ZNF385D: variants seen among roughly 807,000 people sequenced by gnomAD.
The protein encoded by ZNF385D is zinc finger protein 659.
In ZNF385D, 15 loss-of-function variants were observed where a neutral mutation model predicts 35.8. The observed-to-expected ratio is 0.42, with a 90% confidence interval of 0.28 to 0.64. The LOEUF (loss-of-function observed/expected upper bound fraction) is 0.64, where lower values mean the gene tolerates loss of function less well. Ranked by LOEUF, ZNF385D falls within the 30% of genes least tolerant of loss-of-function variation. The pLI is 0.23. For missense variants in ZNF385D, 474 were observed against 494.6 expected (o/e 0.96, Z 0.39); for synonymous variants, 212 against 186.8 (o/e 1.13, Z -1.10).
intron 2 of ZNF385D, among the ~76,000 whole-genome samples, chr3:22,353,446 G>C (rs771639531): frequency 6.6e-6 from 1 of 152,012 alleles, no homozygotes; most frequent in Non-Finnish European, 1.5e-5. Flanking sequence ...CTGTATATTT[G>C]GTAGCCCTCC....
intron 4 of ZNF385D, among the ~76,000 whole-genome samples, chr3:21,473,672 A>G (rs905838851): frequency 1.3e-5 from 2 of 152,086 alleles, no homozygotes; most frequent in African/African-American, 4.8e-5. Flanking sequence ...TGACATATTT[A>G]TCTTCAGTTT....
At chr3:22,215,958 G>C (rs911898285) in intron 2 of ZNF385D, among the ~76,000 whole-genome samples, 1 of 151,952 alleles carries the variant, frequency 6.6e-6, no homozygotes, top group African/African-American at 2.4e-5. Context: ...TATCGGGGGT[G>C]AATTTCGTCC....
At chr3:22,312,616 AG>A (rs1184684359) in intron 2 of ZNF385D, among the ~76,000 whole-genome samples, 1 of 152,204 alleles carries the variant, frequency 6.6e-6, no homozygotes, top group Non-Finnish European at 1.5e-5. Flanking sequence ...ACTTCTCAAA[AG>A]AAGACATTTA....
rs568204033 is a variant in ZNF385D, at chr3:22,214,852, C to A, written c.107-45817G>T. ...CCTGTGGTCCTGTAATCTCGCCCTG[C>A]CTCCATTTGCCTTGTGATATTCTAT... On this transcript the variant is annotated intron_variant, in intron 2 of 5. Coordinates refer to the ZNF385D transcript ENST00000494108. Among the ~76,000 whole-genome samples the A allele has an allele frequency of 8.5e-5, 13 of 152,052 alleles. No individual in the cohort carries two copies. The East Asian group carries it at 1.9e-3, about 23-fold the overall frequency.
chr3:21,685,388 G>A (rs1055695509), intron 1 of ZNF385D, among the ~76,000 whole-genome samples: 1 of 152,192 alleles, frequency 6.6e-6, no homozygotes, highest in Admixed American at 6.5e-5. Context: ...AACAGAATAT[G>A]GTACAGCCTA....
At chr3:21,427,793 T>C (rs917744026) in intron 5 of ZNF385D, among the ~76,000 whole-genome samples, 1 of 152,194 alleles carries the variant, frequency 6.6e-6, no homozygotes, top group Non-Finnish European at 1.5e-5. Flanking sequence ...GTTCGAATTA[T>C]TATTTAAGTA....
intron 3 of ZNF385D, among the ~76,000 whole-genome samples, chr3:22,092,750 G>A (rs1323967807): frequency 4.6e-5 from 7 of 151,872 alleles, no homozygotes; most frequent in Admixed American, 2.6e-4. Flanking sequence ...TTACTGTCTG[G>A]TAACCTTAAC....
In ZNF385D at chr3:22,334,430, T is replaced by G. The variant is rs4858396; in HGVS notation, c.106+38020A>C. Among the ~76,000 whole-genome samples the G allele has an allele frequency of 3.6e-3, 549 of 152,288 alleles. 5 individuals carry two copies. The highest frequency in any genetic ancestry group is 0.021 in the Admixed American group (324 of 15,290). On this transcript the variant is annotated intron_variant, in intron 2 of 5. Coordinates refer to the ZNF385D transcript ENST00000494108. ...ATTATATTTTTAAATTCTGTGATAT[T>G]TTAAATCCTAAAATTTTATAGATTT...
intron 3 of ZNF385D, among the ~76,000 whole-genome samples, chr3:22,113,272 T>C (rs1315270999): frequency 6.6e-6 from 1 of 152,118 alleles, no homozygotes; most frequent in Non-Finnish European, 1.5e-5. Context: ...TTTCTGACTC[T>C]ATGATTTAAC....
chr3:22,128,216 A>C (rs2125680012), intron 3 of ZNF385D, among the ~76,000 whole-genome samples: 1 of 152,274 alleles, frequency 6.6e-6, no homozygotes, highest in Admixed American at 6.5e-5. Flanking sequence ...ACTCCCTCCT[A>C]ACCTGTAAGG....
At chr3:21,644,101 G>A (rs917619696) in intron 2 of ZNF385D, among the ~76,000 whole-genome samples, 1 of 152,120 alleles carries the variant, frequency 6.6e-6, no homozygotes, top group Non-Finnish European at 1.5e-5. Flanking sequence ...GCAACTTTAA[G>A]CAGAACAACA....
chr3:21,900,613 G>T (rs531126621), intron 3 of ZNF385D, among the ~76,000 whole-genome samples: 1 of 152,014 alleles, frequency 6.6e-6, no homozygotes, highest in African/African-American at 2.4e-5. Context: ...AATAAGAACT[G>T]ACAATTCAGA....
rs376848666 is a variant in ZNF385D, at chr3:21,474,082, TG to T, written c.439+36778del. ...AAGTTGTGAGGCACTTACTGAGCAC[TG>T]TATACCTAGTACCTTCGAGAACACG... On this transcript the variant is annotated intron_variant, in intron 4 of 7. Coordinates refer to ENST00000281523, the MANE Select transcript of ZNF385D (RefSeq NM_024697.3). 3.2e-4 allele frequency among the ~76,000 whole-genome samples: 49 copies of T among 150,864 alleles called. 2 individuals are homozygous for T. In the South Asian group the frequency reaches 7.3e-3, roughly 23 times the overall value.
chr3:21,455,777 G>A (rs557748704), intron 4 of ZNF385D, among the ~76,000 whole-genome samples: 2 of 152,088 alleles, frequency 1.3e-5, no homozygotes, highest in Non-Finnish European at 2.9e-5. Context: ...CACAGCAAAA[G>A]AAACTACCAT....
chr3:21,953,691 A>G (rs1559787042), intron 3 of ZNF385D, among the ~76,000 whole-genome samples: 1 of 152,098 alleles, frequency 6.6e-6, no homozygotes, highest in African/African-American at 2.4e-5. Flanking sequence ...ATTTAACTTC[A>G]GCAAATACTA....
At chr3:21,621,478 G>C (rs1270745832) in intron 2 of ZNF385D, among the ~76,000 whole-genome samples, 2 of 151,550 alleles carry the variant, frequency 1.3e-5, no homozygotes, top group Non-Finnish European at 2.9e-5. Flanking sequence ...TACTAGGAAT[G>C]AAAATTCAGG....
At chr3:21,803,071 G>T (rs1312241563) in intron 3 of ZNF385D, among the ~76,000 whole-genome samples, 1 of 152,176 alleles carries the variant, frequency 6.6e-6, no homozygotes, top group African/African-American at 2.4e-5. Context: ...CAAGATGGCT[G>T]CAAGTTATTG....
At chr3:22,361,396 T>A (rs1464394309) in intron 2 of ZNF385D, among the ~76,000 whole-genome samples, 2 of 152,060 alleles carry the variant, frequency 1.3e-5, no homozygotes, top group Non-Finnish European at 2.9e-5. Context: ...TAGAAACTTA[T>A]TAATGGCCCT....
chr3:22,239,886 A>G (rs1407021551), intron 2 of ZNF385D, among the ~76,000 whole-genome samples: 1 of 150,768 alleles, frequency 6.6e-6, no homozygotes, highest in Admixed American at 6.6e-5. Flanking sequence ...CTGGCTTTAA[A>G]TGATTTCAGC....
Sources: allele counts gnomAD v4.1 joint callset (sites outside exome capture counted in the v4.1 genomes callset), GRCh38; gene constraint gnomAD v4.1.1; transcripts MANE v1.5; gene names NCBI Gene and HGNC (gene_info 2026-07-23, HGNC 2026-07-21).